Variants in MTMR14 observed in about 807,000 individuals in gnomAD.
MTMR14 encodes the protein phosphatidylinositol-3,5-bisphosphate 3-phosphatase MTMR14.
MTMR14 carries 48 observed loss-of-function variants against 86.3 expected under a neutral mutation model. The observed-to-expected ratio is 0.56, with a 90% CI of 0.44 to 0.71. The LOEUF (loss-of-function observed/expected upper bound fraction) is 0.71, where lower values mean the gene tolerates loss of function less well. MTMR14 is among the 30% of genes least tolerant of loss of function. The pLI, the probability that MTMR14 is intolerant of heterozygous loss-of-function variation, is 0.00. For missense variants in MTMR14, 780 were observed against 834.6 expected (o/e 0.93, Z 0.81); for synonymous variants, 366 against 326.1 (o/e 1.12, Z -1.32).
intron 14 of MTMR14, among the ~76,000 whole-genome samples, chr3:9,688,418 A>G (rs776697300): frequency 6.6e-6 from 1 of 152,198 alleles, no homozygotes; most frequent in Non-Finnish European, 1.5e-5. Flanking sequence ...TCCGAGCTAC[A>G]AGCATGTTGG....
chr3:9,678,943 C>T (rs1234251948), intron 9 of MTMR14, among the ~76,000 whole-genome samples: 2 of 152,210 alleles, frequency 1.3e-5, no homozygotes, highest in African/African-American at 4.8e-5. Flanking sequence ...CAGTGAGCAA[C>T]AGAAAACATT....
Position 9,697,731 on chromosome 3 carries a change from C to G in MTMR14, c.1634C>G (p.Pro545Arg). The part of the protein sequence containing the change: ...PKPRSVDHPL[P>R]GSSLSTDYGS... ...CCCAGATCAGTGGACCATCCCCTGC[C>G]CGGATCCTCTCTCTCCACAGACTAT... Residue 545 changes from proline to arginine, a missense_variant, in exon 18 of 19, where the codon CCC (proline) becomes CGC (arginine). Physicochemically the swap from Pro to Arg is moderately radical, Grantham distance 103 (BLOSUM62 -2). Coordinates refer to ENST00000296003, the MANE Select transcript of MTMR14 (RefSeq NM_001077525.3). The G allele has an allele frequency of 6.2e-7, 1 of 1,614,148 alleles. No individual in the cohort carries two copies. The highest frequency in any genetic ancestry group is 8.5e-7 in the Non-Finnish European group (1 of 1,180,010).
chr3:9,654,119 A>G (rs140922214), intron 2 of MTMR14, among the ~76,000 whole-genome samples: 1 of 152,262 alleles, frequency 6.6e-6, no homozygotes, highest in East Asian at 1.9e-4. Context: ...CGTTTACCGT[A>G]TGTAGCACTT....
Position 9,685,477 on chromosome 3 carries a change from C to T in MTMR14, c.1164+230C>T, listed in dbSNP as rs571559145. 2.0e-4 allele frequency among the ~76,000 whole-genome samples: 31 copies of T among 152,284 alleles called. 1 individual carries two copies. In the East Asian group the frequency reaches 4.0e-3, roughly 20 times the overall value. ...GTGGAGAGGATACAAGCCCACACGT[C>T]GGGGTGAGCAGTTACATGACAGCCT... On this transcript the variant is annotated intron_variant, in intron 13 of 18. Transcript: ENST00000296003.
At chr3:9,694,429 C>A (rs2076224199) in intron 17 of MTMR14, among the ~76,000 whole-genome samples, 1 of 152,042 alleles carries the variant, frequency 6.6e-6, no homozygotes, top group Admixed American at 6.6e-5. Flanking sequence ...ATCGTTTGAA[C>A]CCAGGAATTC....
chr3:9,685,174 T>C (rs1449137463), intron 12 of MTMR14, 37 bp from the exon 13 acceptor site: 1 of 1,614,108 alleles, frequency 6.2e-7, no homozygotes, highest in Non-Finnish European at 8.5e-7. Flanking sequence ...GTCATCTTGG[T>C]GCTGCTGACT....
At chr3:9,680,187 C>T (rs2075714135) in intron 9 of MTMR14, among the ~76,000 whole-genome samples, 1 of 152,186 alleles carries the variant, frequency 6.6e-6, no homozygotes, top group Admixed American at 6.5e-5. Context: ...CCCAGATGCT[C>T]ACACCTGAAA....
At chr3:9,651,630 A>G (rs1045998903) in intron 1 of MTMR14, among the ~76,000 whole-genome samples, 7 of 152,130 alleles carry the variant, frequency 4.6e-5, no homozygotes, top group Non-Finnish European at 7.4e-5. Context: ...TAACTGAACA[A>G]TCGATTGAGA....
intron 1 of MTMR14, among the ~76,000 whole-genome samples, chr3:9,651,860 C>T (rs185972485): frequency 6.8e-6 from 1 of 146,946 alleles, no homozygotes; most frequent in South Asian, 2.1e-4. Context: ...GAGATGGCGT[C>T]TCACTCTGTC....
At chr3:9,669,540 G>A (rs2048458532) in intron 5 of MTMR14, 48 bp downstream of exon 5, 1 of 1,588,744 alleles carries the variant, frequency 6.3e-7, no homozygotes, top group South Asian at 1.1e-5. Flanking sequence ...GGGATGGGGT[G>A]TCTGGCCAGA....
chr3:9,697,458 C>T (rs1236310441), intron 17 of MTMR14, among the ~76,000 whole-genome samples: 1 of 152,208 alleles, frequency 6.6e-6, no homozygotes, highest in Non-Finnish European at 1.5e-5. Context: ...CTCTTACTGC[C>T]ATGCTTTGTT....
chr3:9,654,527 C>T (rs891253756), intron 2 of MTMR14, among the ~76,000 whole-genome samples: 2 of 152,196 alleles, frequency 1.3e-5, no homozygotes, highest in Non-Finnish European at 2.9e-5. Context: ...TTATTTGATA[C>T]TGATAAGTAA....
rs768087940 is a variant in MTMR14 at position 9,662,375 on chromosome 3, G to C, written c.417G>C (p.Lys139Asn). 1 of 1,611,350 alleles carries C rather than the reference G, an allele frequency of 6.2e-7. No homozygotes were observed. The highest frequency in any genetic ancestry group is 8.5e-7 in the Non-Finnish European group (1 of 1,177,956). The change falls in exon 3 of 19, where the codon AAG (lysine) becomes AAC (asparagine). Residue 139 changes from lysine (K) to asparagine (N), a missense_variant and splice_region_variant. Coordinates refer to ENST00000296003, the MANE Select transcript of MTMR14 (RefSeq NM_001077525.3). ...GCCCAGTAATCCTGTTCAAGGGCAA[G>C]GTAAGGCCCATACCATAGCTTCATG... ...FVCPVILFKGKHICRSATLAG... is the reference protein window; with the variant it reads ...FVCPVILFKGNHICRSATLAG...
intron 9 of MTMR14, among the ~76,000 whole-genome samples, chr3:9,678,859 G>A (rs926442968): frequency 1.3e-5 from 2 of 152,204 alleles, no homozygotes; most frequent in Non-Finnish European, 2.9e-5. Context: ...CTGAAATCCT[G>A]GAGGACAGGG....
At chr3:9,697,955 G>A in intron 18 of MTMR14, 89 bp downstream of exon 18, 1 of 1,569,896 alleles carries the variant, frequency 6.4e-7, no homozygotes, top group Non-Finnish European at 8.7e-7. Flanking sequence ...GAATGAGGCT[G>A]GCGCTCAGGA....
intron 5 of MTMR14, among the ~76,000 whole-genome samples, chr3:9,670,570 T>C (rs2048512346): frequency 6.6e-6 from 1 of 152,160 alleles, no homozygotes. Context: ...TCATAATCAG[T>C]TGATAAAATA....
At chr3:9,664,925 G>A (rs1466172266) in intron 3 of MTMR14, among the ~76,000 whole-genome samples, 1 of 152,078 alleles carries the variant, frequency 6.6e-6, no homozygotes, top group Admixed American at 6.6e-5. Context: ...TAACATAGAG[G>A]ATAAATGCTT....
intron 9 of MTMR14, 79 bp from the exon 10 acceptor site, chr3:9,683,099 C>A: frequency 7.2e-7 from 1 of 1,392,510 alleles, no homozygotes; most frequent in Non-Finnish European, 1.0e-6. Flanking sequence ...CCCAGAATAA[C>A]TCTTGGCATT....
At chr3:9,664,359 A>G (rs2048128750) in intron 3 of MTMR14, among the ~76,000 whole-genome samples, 2 of 151,658 alleles carry the variant, frequency 1.3e-5, no homozygotes, top group Non-Finnish European at 2.9e-5. Flanking sequence ...GTAGGCACTG[A>G]GGAACTAGTA....
Sources: allele counts gnomAD v4.1 joint callset (sites outside exome capture counted in the v4.1 genomes callset), GRCh38; gene constraint gnomAD v4.1.1; transcripts MANE v1.5; gene names NCBI Gene and HGNC (gene_info 2026-07-23, HGNC 2026-07-21).